Variants in PPP2R3A observed in about 807,000 individuals in gnomAD.
PPP2R3A encodes the protein serine/threonine-protein phosphatase 2A regulatory subunit B'' subunit alpha.
PPP2R3A carries 80 observed loss-of-function variants against 106.9 expected under a neutral mutation model. The ratio of observed to expected loss-of-function variants is 0.75; its 90% CI spans 0.62 to 0.90. The LOEUF is 0.90. Ranked by LOEUF, PPP2R3A falls within the 40% of genes least tolerant of loss-of-function variation. PPP2R3A has a pLI of 0.00. For missense variants in PPP2R3A, 1,386 were observed against 1,350.4 expected, an observed-to-expected ratio of 1.03 and a Z score of -0.41; for synonymous variants, 483 against 468.3, an observed-to-expected ratio of 1.03 and a Z score of -0.41.
Position 136,086,939 on chromosome 3 carries a change from C to T in PPP2R3A, c.2789-944C>T, listed in dbSNP as rs546832606. On this transcript the variant is annotated intron_variant, in intron 8 of 13. Coordinates refer to ENST00000264977, the MANE Select transcript of PPP2R3A (RefSeq NM_002718.5). ...AGAACAGGCTGGGCATGGTGGCTCA[C>T]GCCTGTATTCCTAGCACTTTGGGAG... is the stretch of plus-strand genomic sequence containing the variant. Among the ~76,000 whole-genome samples the T allele has an allele frequency of 3.9e-5, 6 of 152,250 alleles. No homozygotes were observed. In the East Asian group the frequency reaches 7.7e-4, roughly 20 times the overall value.
intron 13 of PPP2R3A, among the ~76,000 whole-genome samples, chr3:136,134,099 A>T (rs1162697722): frequency 2.0e-5 from 3 of 152,222 alleles, no homozygotes; most frequent in African/African-American, 7.2e-5. Context: ...TATATTAAGC[A>T]TTATTGGATA....
chr3:136,063,961 C>T (rs58642891), intron 5 of PPP2R3A, among the ~76,000 whole-genome samples: 63,924 of 146,912 alleles, frequency 0.44, 15,802 homozygotes, highest in African/African-American at 0.69. Context: ...TAAAGACACA[C>T]GCACATGTAT....
chr3:136,008,367 A>T (rs560856138), intron 2 of PPP2R3A, among the ~76,000 whole-genome samples: 1 of 152,124 alleles, frequency 6.6e-6, no homozygotes, highest in Non-Finnish European at 1.5e-5. Flanking sequence ...CCTCCTCTCA[A>T]TTGCCACCAA....
At chr3:136,027,977 A>G (rs2107824685) in intron 3 of PPP2R3A, among the ~76,000 whole-genome samples, 1 of 152,326 alleles carries the variant, frequency 6.6e-6, no homozygotes. Flanking sequence ...GAAAACTACC[A>G]TTCTTCAGGA....
intron 1 of PPP2R3A, among the ~76,000 whole-genome samples, chr3:135,974,401 C>T (rs923387680): frequency 4.6e-5 from 7 of 152,126 alleles, no homozygotes; most frequent in East Asian, 1.9e-4. Flanking sequence ...CCTTCTCTGA[C>T]GGCCTATTCC....
rs1933629216 is a variant in PPP2R3A at position 136,001,707 on chromosome 3, C to CT, written c.210dup (p.Met71TyrfsTer6). The CT allele has an allele frequency of 1.9e-6, 3 of 1,614,062 alleles. No individual in the cohort carries two copies. Among genetic ancestry groups the CT allele is most frequent in the Non-Finnish European group, 2.5e-6 (3 of 1,179,980 alleles). On this transcript the variant is annotated frameshift_variant, in exon 2 of 14. Coordinates refer to ENST00000264977, the MANE Select transcript of PPP2R3A (RefSeq NM_002718.5). LOFTEE classifies it high-confidence loss of function. The stretch of plus-strand genomic sequence containing the variant: ...CAGTTCAAAGATGCAGATCTGAACT[C>CT]TATGTTTCTACCCCATGAAAATGGG...
At chr3:136,011,971 TCATACACACACACACACACA>T (rs1033848404) in intron 2 of PPP2R3A, among the ~76,000 whole-genome samples, 2 of 140,058 alleles carry the variant, frequency 1.4e-5, no homozygotes, top group African/African-American at 3.0e-5. Context: ...TACTGAGAAA[TCATACACACACACACACACA>T]CATACACACA....
At chr3:136,013,184 A>T (rs6775100) in intron 2 of PPP2R3A, among the ~76,000 whole-genome samples, 2 of 110,592 alleles carry the variant, frequency 1.8e-5, no homozygotes, top group African/African-American at 6.1e-5. Context: ...GTGTGTGTGT[A>T]TGTATGTATG....
At chr3:136,062,877 A>G (rs1378221774) in intron 5 of PPP2R3A, among the ~76,000 whole-genome samples, 1 of 152,202 alleles carries the variant, frequency 6.6e-6, no homozygotes, top group Admixed American at 6.5e-5. Flanking sequence ...TGACATCCCC[A>G]TCAAGCTGCC....
At chr3:136,048,780 G>A (rs183370776) in intron 4 of PPP2R3A, among the ~76,000 whole-genome samples, 2 of 152,206 alleles carry the variant, frequency 1.3e-5, no homozygotes, top group East Asian at 3.9e-4. Flanking sequence ...ACAAACAAGA[G>A]CCTAAGCATG....
At chr3:136,120,569 CAG>C (rs1937957426) in intron 13 of PPP2R3A, among the ~76,000 whole-genome samples, 2 of 151,990 alleles carry the variant, frequency 1.3e-5, no homozygotes, top group South Asian at 4.1e-4. Context: ...GCCTGAGAGA[CAG>C]AGTGAGACTC....
chr3:136,101,145 A>G (rs1937348746), intron 10 of PPP2R3A, among the ~76,000 whole-genome samples: 1 of 152,220 alleles, frequency 6.6e-6, no homozygotes, highest in Non-Finnish European at 1.5e-5. Flanking sequence ...CAACCAAGGA[A>G]GACTTCATCA....
At chr3:136,135,816 C>G (rs570668353) in intron 13 of PPP2R3A, among the ~76,000 whole-genome samples, 2 of 151,800 alleles carry the variant, frequency 1.3e-5, no homozygotes, top group African/African-American at 4.8e-5. Context: ...TTTGGGAGGC[C>G]GAGGCAGGCA....
At chr3:136,027,829 G>A (rs918371149) in intron 3 of PPP2R3A, among the ~76,000 whole-genome samples, 12 of 152,162 alleles carry the variant, frequency 7.9e-5, no homozygotes, top group Non-Finnish European at 1.5e-4. Context: ...TTTAGGCTGT[G>A]CTTCAAGAGG....
intron 5 of PPP2R3A, among the ~76,000 whole-genome samples, chr3:136,056,422 G>A (rs1172902269): frequency 2.0e-5 from 3 of 152,084 alleles, no homozygotes; most frequent in African/African-American, 7.2e-5. Flanking sequence ...TCTGGGCGCA[G>A]GGTATATGGG....
At chr3:136,032,400 A>C (rs1934927513) in intron 3 of PPP2R3A, among the ~76,000 whole-genome samples, 1 of 151,888 alleles carries the variant, frequency 6.6e-6, no homozygotes, top group Non-Finnish European at 1.5e-5. Flanking sequence ...AACTTTGCTG[A>C]ATTATTTTAT....
At chr3:136,090,540 A>G in intron 9 of PPP2R3A, 38 bp from the exon 10 acceptor site, 1 of 1,529,564 alleles carries the variant, frequency 6.5e-7, no homozygotes. Context: ...GTTCTGAGTA[A>G]TTGCTCAGGA....
At chr3:135,974,104 G>A (rs951124037) in intron 1 of PPP2R3A, among the ~76,000 whole-genome samples, 2 of 152,108 alleles carry the variant, frequency 1.3e-5, no homozygotes, top group East Asian at 1.9e-4. Flanking sequence ...TCTTTGAAAC[G>A]CGTCCTTCAT....
rs544000372 is a variant in PPP2R3A, at chr3:136,022,826, TTA to T, written c.1996-4003_1996-4002del. ...GCAACAGGCCCACTGCAGGCTGTGT[TTA>T]TAACTTGAAAATTATGAGCAGGTAT... On this transcript the variant is annotated intron_variant, in intron 2 of 13. Transcript: ENST00000264977. The T allele has an allele frequency of 2.0e-4, 254 of 1,282,192 alleles. No homozygotes were observed. In the African/African-American group the frequency reaches 3.6e-3, roughly 18 times the overall value. 79.4% of individuals were successfully genotyped at this position (1,282,192 alleles called of 1,614,324 possible).
Sources: gnomAD v4.1 joint callset for allele counts (sites outside exome capture counted in the v4.1 genomes callset) on GRCh38, gnomAD v4.1.1 for gene constraint, MANE v1.5 for transcripts, NCBI Gene and HGNC (gene_info 2026-07-23, HGNC 2026-07-21) for gene names.